Variants in PCYT1A observed in about 807,000 individuals in gnomAD.
The protein encoded by PCYT1A is choline-phosphate cytidylyltransferase A.
PCYT1A carries 25 observed loss-of-function variants against 43.7 expected under a neutral mutation model. That is an observed-to-expected ratio of 0.57 (90% CI 0.42 to 0.80). The LOEUF (loss-of-function observed/expected upper bound fraction) is 0.80, where lower values mean the gene tolerates loss of function less well. PCYT1A is among the 30% of genes least tolerant of loss of function. The pLI is 0.00. For missense variants in PCYT1A, 421 were observed against 474.2 expected (o/e 0.89, Z 1.04); for synonymous variants, 172 against 170.7 (o/e 1.01, Z -0.06).
chr3:196,279,914 A>G (rs1333014182), intron 1 of PCYT1A, among the ~76,000 whole-genome samples: 2 of 146,464 alleles, frequency 1.4e-5, no homozygotes, highest in African/African-American at 5.1e-5. Flanking sequence ...AGCTCACCAC[A>G]ACCTCCACCT....
intron 2 of PCYT1A, chr3:196,267,176 C>T: frequency 7.3e-6 from 2 of 275,140 alleles, no homozygotes; most frequent in Non-Finnish European, 1.3e-5. Flanking sequence ...GAGACTCAGT[C>T]TCAAAAAAAA....
At position 196,270,440 on chromosome 3, in the gene PCYT1A, G is replaced by A; in HGVS notation, c.92C>T (p.Pro31Leu). 1 of 1,613,678 alleles carries A rather than the reference G, an allele frequency of 6.2e-7. No individual in the cohort carries two copies. The highest frequency in any genetic ancestry group is 1.1e-5 in the South Asian group (1 of 91,076). The change falls in exon 2 of 9, where the codon CCT becomes CTT. Residue 31 changes from proline (P) to leucine (L), a missense_variant. Around this residue, in one of 3 missense-constraint regions of PCYT1A, gnomAD observed 139 missense variants for 117.7 expected, o/e 1.18. Transcript: ENST00000431016. ...CACTGCACAGCGCTGCACTTTGGAA[G>A]GAACCCCATCTTCTTCTGTTGCCCC... Reference protein sequence around the residue: ...PNGATEEDGVPSKVQRCAVGL... With the variant: ...PNGATEEDGVLSKVQRCAVGL...
chr3:196,238,472 G>T lies in PCYT1A; in HGVS notation c.*216C>A. The T allele has an allele frequency of 2.6e-6, 1 of 386,266 alleles. No homozygotes were observed. Among genetic ancestry groups the T allele is most frequent in the Non-Finnish European group, 4.6e-6 (1 of 216,072 alleles). 23.9% of individuals were successfully genotyped at this position (386,266 alleles called of 1,614,324 possible). On this transcript the variant is annotated 3_prime_UTR_variant, in exon 9 of 9. Coordinates refer to ENST00000431016, the MANE Select transcript of PCYT1A (RefSeq NM_001312673.2). Reference sequence around the variant, plus strand: ...GGGGGGGTAAATGGATGCAGAGCAGGCTTCTAAGGTGCAGTCCCCCTCCTT... The same window carrying T: ...GGGGGGGTAAATGGATGCAGAGCAGTCTTCTAAGGTGCAGTCCCCCTCCTT...
intron 7 of PCYT1A, chr3:196,241,610 G>T (rs776558499): frequency 7.6e-7 from 1 of 1,318,480 alleles, no homozygotes; most frequent in South Asian, 1.2e-5. Context: ...AGGGCTCATA[G>T]CCTTTCGCAG....
chr3:196,261,264 T>C (rs2108773555), intron 2 of PCYT1A, among the ~76,000 whole-genome samples: 1 of 152,336 alleles, frequency 6.6e-6, no homozygotes, highest in Non-Finnish European at 1.5e-5. Flanking sequence ...ATGGTTGTGA[T>C]GGTTGTACAA....
intron 2 of PCYT1A, among the ~76,000 whole-genome samples, chr3:196,260,049 A>G (rs563098696): frequency 1.3e-4 from 20 of 149,276 alleles, no homozygotes; most frequent in African/African-American, 4.9e-4. Context: ...CAGCCTCCCA[A>G]CTAGCTGGGA....
intron 5 of PCYT1A, among the ~76,000 whole-genome samples, chr3:196,244,663 G>A (rs1577356347): frequency 6.6e-6 from 1 of 152,216 alleles, no homozygotes; most frequent in East Asian, 1.9e-4. Context: ...GGGGAAATGT[G>A]GGGAAAAGAT....
intron 7 of PCYT1A, chr3:196,241,523 T>A (rs1211938882): frequency 4.6e-6 from 6 of 1,290,608 alleles, no homozygotes; most frequent in Non-Finnish European, 6.1e-6. Flanking sequence ...TAAGATAAAC[T>A]TAACTTTCGT....
intron 1 of PCYT1A, among the ~76,000 whole-genome samples, chr3:196,279,487 C>T (rs1294900617): frequency 6.6e-6 from 1 of 152,104 alleles, no homozygotes; most frequent in African/African-American, 2.4e-5. Context: ...AAAGTGCCCT[C>T]GAAATACAGA....
intron 3 of PCYT1A, among the ~76,000 whole-genome samples, chr3:196,254,946 T>G (rs572715423): frequency 6.6e-6 from 1 of 152,154 alleles, no homozygotes; most frequent in Admixed American, 6.6e-5. Context: ...TTTTTTCATC[T>G]CCCAAAAGAT....
chr3:196,270,064 G>T (rs1015008540), intron 2 of PCYT1A, among the ~76,000 whole-genome samples: 1 of 152,126 alleles, frequency 6.6e-6, no homozygotes, highest in African/African-American at 2.4e-5. Context: ...GTAAAGACAG[G>T]GTTTCACCAG....
intron 2 of PCYT1A, among the ~76,000 whole-genome samples, chr3:196,259,081 G>A (rs980464119): frequency 1.3e-5 from 2 of 151,914 alleles, no homozygotes; most frequent in African/African-American, 4.8e-5. Context: ...GCAGCGGCAC[G>A]ATCATAGCTC....
intron 2 of PCYT1A, among the ~76,000 whole-genome samples, chr3:196,269,213 C>T (rs1356535023): frequency 6.6e-6 from 1 of 152,200 alleles, no homozygotes; most frequent in Non-Finnish European, 1.5e-5. Flanking sequence ...AATATATATA[C>T]TTGCCCTTAT....
rs573559323 is a variant in PCYT1A, at chr3:196,276,193, AT to A, written c.-10-5653del. On this transcript the variant is annotated intron_variant, in intron 1 of 8. Transcript: ENST00000431016. ...TTTTAAATGTTTTCACCACAAAAAA[AT>A]AAGTATATAAGGCAAGGAATTTGTT... is the stretch of plus-strand genomic sequence containing the variant. Among the ~76,000 whole-genome samples, 9 of 152,332 alleles carry A rather than the reference AT, an allele frequency of 5.9e-5. No individual in the cohort carries two copies. The East Asian group carries it at 1.2e-3, about 20-fold the overall frequency.
Position 196,257,056 on chromosome 3 carries a change from A to G in PCYT1A, c.217+732T>C, listed in dbSNP as rs549996329. ...TAGTAATCAGAAGAAGTGAAAAAGG[A>G]TTGGAAAAAAAGGGAGAATTGGGGA... On this transcript the variant is annotated intron_variant, in intron 3 of 8. Coordinates refer to ENST00000431016, the MANE Select transcript of PCYT1A (RefSeq NM_001312673.2). Among the ~76,000 whole-genome samples, 5 of 152,314 alleles carry G rather than the reference A, an allele frequency of 3.3e-5. No homozygotes were observed. The East Asian group carries it at 9.6e-4, about 29-fold the overall frequency.
rs1057346064 is a variant in PCYT1A, at chr3:196,277,829, C to A, written c.-10-7288G>T. Among the ~76,000 whole-genome samples the A allele has an allele frequency of 6.6e-6, 1 of 152,132 alleles. No individual in the cohort carries two copies. Among genetic ancestry groups the A allele is most frequent in the African/African-American group, 2.4e-5 (1 of 41,414 alleles). On this transcript the variant is annotated intron_variant, in intron 1 of 8. Coordinates refer to ENST00000431016, the MANE Select transcript of PCYT1A (RefSeq NM_001312673.2). The surrounding 1 kb of genome is among the most constrained non-coding windows in gnomAD (Gnocchi z 4.1). Reference sequence around the variant, plus strand: ...GAGGTTGCAGTGAGCCTAAATCGCACGCCACTGCGCTCCAGCCTGGGCGAC... The same window carrying A: ...GAGGTTGCAGTGAGCCTAAATCGCAAGCCACTGCGCTCCAGCCTGGGCGAC...
chr3:196,276,608 A>T (rs1725598129), intron 1 of PCYT1A, among the ~76,000 whole-genome samples: 1 of 151,588 alleles, frequency 6.6e-6, no homozygotes, highest in Admixed American at 6.6e-5. Context: ...GTCTCAAAAA[A>T]TGAAAAAAAA....
intron 1 of PCYT1A, among the ~76,000 whole-genome samples, chr3:196,284,415 G>C (rs2061504025): frequency 1.3e-5 from 2 of 152,258 alleles, no homozygotes; most frequent in Middle Eastern, 3.4e-3. Flanking sequence ...AATTTGGTAA[G>C]TTCACATATA....
Position 196,270,428 on chromosome 3 carries a change from T to G in PCYT1A, c.104A>C (p.Gln35Pro). ...TEEDGVPSKV[Q>P]RCAVGLRQPA... ...ATCTCCACTTACCACTGCACAGCGC[T>G]GCACTTTGGAAGGAACCCCATCTTC... is the stretch of plus-strand genomic sequence containing the variant. Residue 35 changes from glutamine (Q) to proline (P), a missense_variant, in exon 2 of 9, where the codon CAG becomes CCG. Transcript: ENST00000431016. 6.2e-7 allele frequency: 1 copy of G among 1,612,408 alleles called. No homozygotes were observed. Among genetic ancestry groups the G allele is most frequent in the East Asian group, 2.2e-5 (1 of 44,872 alleles).
Sources: gnomAD v4.1 joint callset for allele counts (sites outside exome capture counted in the v4.1 genomes callset) on GRCh38, gnomAD v4.1.1 for gene constraint, gnomAD v4.1.1 regional missense constraint, Gnocchi (gnomAD v3.1) non-coding constraint, MANE v1.5 for transcripts, NCBI Gene and HGNC (gene_info 2026-07-23, HGNC 2026-07-21) for gene names.